SIM2: variants seen among roughly 807,000 people sequenced by gnomAD.
SIM2 encodes single-minded homolog 2.
SIM2 carries 28 observed loss-of-function variants against 64.8 expected under a neutral mutation model. That is an observed-to-expected ratio of 0.43 (90% CI 0.32 to 0.59). The LOEUF is 0.59. Among genes scored for constraint, SIM2 ranks in the 20% least tolerant of loss-of-function variants. SIM2 has a pLI of 0.07. For missense variants in SIM2, 847 were observed against 871.4 expected (o/e 0.97, Z 0.35); for synonymous variants, 408 against 391.1 (o/e 1.04, Z -0.51).
At chr21:36,716,100 A>G (rs2088743434) in intron 3 of SIM2, among the ~76,000 whole-genome samples, 1 of 152,242 alleles carries the variant, frequency 6.6e-6, no homozygotes, top group Non-Finnish European at 1.5e-5. Flanking sequence ...CACACAAAGC[A>G]TCTAGACAAG....
intron 1 of SIM2, among the ~76,000 whole-genome samples, chr21:36,706,901 T>C (rs1411669429): frequency 6.6e-6 from 1 of 152,224 alleles, no homozygotes; most frequent in African/African-American, 2.4e-5. Flanking sequence ...TCTTGAACTG[T>C]GCGGGTATTT....
rs1392028414 is a variant in SIM2 at position 36,699,926 on chromosome 21, G to A, written c.175+5G>A. On this transcript the variant is annotated splice_donor_5th_base_variant and intron_variant, in intron 1 of 10. Coordinates refer to ENST00000290399, the MANE Select transcript of SIM2 (RefSeq NM_005069.6). This position sits in a 1 kb window ranked among gnomAD's most constrained non-coding sequence, Gnocchi z 5.6. ...TGCGCGCCGTCTTCCCCGAAGGTGA[G>A]GCCTCAGGTGGGCGGCCGGGGACGC... is the stretch of plus-strand genomic sequence containing the variant. The A allele has an allele frequency of 6.3e-7, 1 of 1,592,492 alleles. No individual in the cohort carries two copies. Among genetic ancestry groups the A allele is most frequent in the Non-Finnish European group, 8.5e-7 (1 of 1,170,124 alleles).
At chr21:36,731,386 G>C (rs2088967431) in intron 7 of SIM2, among the ~76,000 whole-genome samples, 1 of 152,186 alleles carries the variant, frequency 6.6e-6, no homozygotes, top group Admixed American at 6.5e-5. Context: ...TGTAGGATCA[G>C]GAAGTTGCCT....
chr21:36,745,407 T>G lies in SIM2; in HGVS notation c.1576+271T>G, dbSNP rs2089217650. ...GAGTATCTGGCCTTCACGTAAATCC[T>G]GGCCACATTCACCAACCAAAGGGGG... On this transcript the variant is annotated intron_variant, in intron 10 of 10. Transcript: ENST00000290399. The surrounding 1 kb of genome is among the most constrained non-coding windows in gnomAD (Gnocchi z 4.8). 2.3e-6 allele frequency: 3 copies of G among 1,332,360 alleles called. No individual in the cohort carries two copies. Among genetic ancestry groups the G allele is most frequent in the Admixed American group, 3.3e-5 (1 of 30,280 alleles). 82.5% of individuals were successfully genotyped at this position (1,332,360 alleles called of 1,614,324 possible). A position where few individuals can be genotyped will look rare whatever the true frequency, so the allele number is the denominator to read the frequency against.
intron 4 of SIM2, among the ~76,000 whole-genome samples, chr21:36,721,751 A>AT (rs1175211922): frequency 2.7e-4 from 41 of 152,118 alleles, no homozygotes; most frequent in Admixed American, 2.7e-3. Context: ...ATTGCACAGT[A>AT]TGTTAACTGT....
In SIM2 at chr21:36,707,029, G is replaced by C. The variant is rs142835700; in HGVS notation, c.176-2139G>C. ...GAGTCTGGTCTGGAGTTTCATTTCC[G>C]TAGGTGCAGATTTCTCCCCAAGTCT... On this transcript the variant is annotated intron_variant, in intron 1 of 10. Coordinates refer to ENST00000290399, the MANE Select transcript of SIM2 (RefSeq NM_005069.6). Among the ~76,000 whole-genome samples, 154 of 152,282 alleles carry C rather than the reference G, an allele frequency of 1.0e-3. 1 individual carries two copies. The highest frequency in any genetic ancestry group is 3.5e-3 in the African/African-American group (146 of 41,546).
At position 36,747,070 on chromosome 21, in the gene SIM2, G is replaced by C. The variant is rs2089237447; in HGVS notation, c.1577-595G>C. On this transcript the variant is annotated intron_variant, in intron 10 of 10. Coordinates refer to ENST00000290399, the MANE Select transcript of SIM2 (RefSeq NM_005069.6). The surrounding 1 kb of genome is among the most constrained non-coding windows in gnomAD (Gnocchi z 4.5). ...AGACAAAAAAAACCCACAAGCCAGG[G>C]AGCTACTTAATGTCAGGCATCGGAC... 6.6e-6 allele frequency among the ~76,000 whole-genome samples: 1 copy of C among 150,808 alleles called. No individual in the cohort carries two copies. Among genetic ancestry groups the C allele is most frequent in the African/African-American group, 2.5e-5 (1 of 40,634 alleles).
At chr21:36,701,231 C>A (rs1157650482) in intron 1 of SIM2, 1 of 152,372 alleles carries the variant, frequency 6.6e-6, no homozygotes, top group African/African-American at 2.4e-5. Flanking sequence ...GGGCGCCGGA[C>A]GGTCGGGGCA....
intron 7 of SIM2, among the ~76,000 whole-genome samples, chr21:36,736,412 C>T (rs1214166264): frequency 6.6e-6 from 1 of 152,214 alleles, no homozygotes; most frequent in East Asian, 1.9e-4. Flanking sequence ...GAGGGCCAGA[C>T]AGCCCGATGG....
intron 1 of SIM2, among the ~76,000 whole-genome samples, chr21:36,708,488 G>T (rs996358651): frequency 6.6e-6 from 1 of 152,218 alleles, no homozygotes; most frequent in Non-Finnish European, 1.5e-5. Context: ...TCGGCCTGTG[G>T]CCCATCCCTC....
chr21:36,733,075 G>A (rs1018950414), intron 7 of SIM2, among the ~76,000 whole-genome samples: 1 of 152,182 alleles, frequency 6.6e-6, no homozygotes, highest in Non-Finnish European at 1.5e-5. Flanking sequence ...GCCCTGGGGG[G>A]TCTGGAGCCC....
chr21:36,718,197 C>G (rs895381700), intron 3 of SIM2, among the ~76,000 whole-genome samples: 1 of 152,218 alleles, frequency 6.6e-6, no homozygotes, highest in Non-Finnish European at 1.5e-5. Flanking sequence ...GCAACTCGCT[C>G]TTCTTAACAA....
intron 1 of SIM2, among the ~76,000 whole-genome samples, chr21:36,701,013 T>A (rs1272049923): frequency 6.6e-6 from 1 of 152,228 alleles, no homozygotes; most frequent in Non-Finnish European, 1.5e-5. Context: ...TGAGCGTTTT[T>A]GGCGTCCCAA....
chr21:36,724,306 T>C (rs1437452566), intron 5 of SIM2, among the ~76,000 whole-genome samples: 1 of 152,132 alleles, frequency 6.6e-6, no homozygotes, highest in African/African-American at 2.4e-5. Flanking sequence ...AGGGACAGGG[T>C]CTTGCTCTGT....
intron 1 of SIM2, among the ~76,000 whole-genome samples, chr21:36,702,239 G>T (rs1031788295): frequency 1.3e-5 from 2 of 152,224 alleles, no homozygotes. Flanking sequence ...ACTGGTGGCA[G>T]GTTTGGGAGC....
chr21:36,702,043 T>C (rs1029920630), intron 1 of SIM2, among the ~76,000 whole-genome samples: 1 of 152,212 alleles, frequency 6.6e-6, no homozygotes, highest in African/African-American at 2.4e-5. Context: ...GTTCGCTGTT[T>C]GAGGGATTTC....
intron 7 of SIM2, among the ~76,000 whole-genome samples, chr21:36,738,904 G>A (rs2089114493): frequency 1.3e-5 from 2 of 152,214 alleles, no homozygotes; most frequent in Admixed American, 1.3e-4. Flanking sequence ...CTCTCTGCAT[G>A]GTCCGGGAGA....
At chr21:36,708,727 G>A (rs2088626713) in intron 1 of SIM2, among the ~76,000 whole-genome samples, 1 of 152,144 alleles carries the variant, frequency 6.6e-6, no homozygotes. Flanking sequence ...GGAGTTGCCG[G>A]AGAAGCAGGG....
chr21:36,736,424 T>C (rs1431413916), intron 7 of SIM2, among the ~76,000 whole-genome samples: 2 of 152,196 alleles, frequency 1.3e-5, no homozygotes, highest in African/African-American at 2.4e-5. Flanking sequence ...GCCCGATGGT[T>C]TGCACACGTT....
Sources: gnomAD v4.1 joint callset for allele counts (sites outside exome capture counted in the v4.1 genomes callset) on GRCh38, gnomAD v4.1.1 for gene constraint, Gnocchi (gnomAD v3.1) non-coding constraint, MANE v1.5 for transcripts, NCBI Gene and HGNC (gene_info 2026-07-23, HGNC 2026-07-21) for gene names.